Variants in CDH12 observed in about 807,000 individuals in gnomAD.
CDH12 encodes the protein cadherin-12.
A neutral mutation model predicts 74.1 loss-of-function variants in CDH12; 41 were observed. The ratio of observed to expected loss-of-function variants is 0.55; its 90% confidence interval spans 0.43 to 0.72. The LOEUF (loss-of-function observed/expected upper bound fraction) is 0.72. Among genes scored for constraint, CDH12 ranks in the 30% least tolerant of loss-of-function variants. The pLI, the probability that CDH12 is intolerant of heterozygous loss-of-function variation, is 0.00. For missense variants in CDH12, 945 were observed against 977.2 expected (o/e 0.97, Z 0.44); for synonymous variants, 399 against 355.0 (o/e 1.12, Z -1.39).
chr5:21,859,822 A>G (rs748298500), intron 6 of CDH12, among the ~76,000 whole-genome samples: 5 of 152,098 alleles, frequency 3.3e-5, no homozygotes, highest in Middle Eastern at 3.4e-3. Context: ...TGGATTATCA[A>G]GGTGAAATCA....
At position 21,889,056 on chromosome 5, in the gene CDH12, G is replaced by T. The variant is rs571096684; in HGVS notation, c.527-34266C>A. Among the ~76,000 whole-genome samples the T allele has an allele frequency of 2.6e-5, 4 of 152,036 alleles. No homozygotes were observed. The East Asian group carries it at 7.7e-4, about 29-fold the overall frequency. The stretch of plus-strand genomic sequence containing the variant: ...AAAGCACATATGATTATATATTTCT[G>T]ATAGGAAAAATAATATATTTTAGGT... On this transcript the variant is annotated intron_variant, in intron 6 of 14. Coordinates refer to ENST00000382254, the MANE Select transcript of CDH12 (RefSeq NM_004061.5).
Position 22,535,241 on chromosome 5 carries a change from G to C in CDH12, c.-522-29877C>G, listed in dbSNP as rs140295054. 3.6e-5 allele frequency among the ~76,000 whole-genome samples: 5 copies of C among 140,416 alleles called. No homozygotes were observed. The East Asian group carries it at 8.9e-4, about 25-fold the overall frequency. The allele number at this position is 140,416 out of a possible 152,430, so 92.1% of individuals were successfully genotyped here. A position where few individuals can be genotyped will look rare whatever the true frequency, so the allele number is the denominator to read the frequency against. On this transcript the variant is annotated intron_variant, in intron 1 of 14. Transcript: ENST00000382254. ...GCGGTCTTGGCTCAATGCAAGCTCC[G>C]CTTCCCGGGTTCACGCCATTCTCCT...
intron 2 of CDH12, among the ~76,000 whole-genome samples, chr5:22,489,081 A>G (rs1346667608): frequency 5.3e-4 from 1 of 1,870 alleles, no homozygotes; most frequent in Non-Finnish European, 2.0e-3. Context: ...TTTTTGAGAC[A>G]GAGTCTCGCT....
intron 4 of CDH12, among the ~76,000 whole-genome samples, chr5:22,111,171 T>C (rs1744792496): frequency 6.6e-6 from 1 of 152,162 alleles, no homozygotes; most frequent in African/African-American, 2.4e-5. Context: ...TGGTGGTATT[T>C]ATTCATTGCC....
rs943270487 is a variant in CDH12, at chr5:22,505,351, G to A, written c.-509C>T. The A allele has an allele frequency of 3.1e-6, 3 of 982,340 alleles. No homozygotes were observed. Among genetic ancestry groups the A allele is most frequent in the Non-Finnish European group, 3.6e-6 (3 of 827,272 alleles). 60.9% of individuals were successfully genotyped at this position (982,340 alleles called of 1,614,324 possible). A position where few individuals can be genotyped will look rare whatever the true frequency, so the allele number is the denominator to read the frequency against. ...CTATATTTCCCAAAAGAGCCAAGCT[G>A]TTAGGTAACAAAGCTGGAAAGACAA... On this transcript the variant is annotated 5_prime_UTR_variant, in exon 2 of 15. Coordinates refer to ENST00000382254, the MANE Select transcript of CDH12 (RefSeq NM_004061.5).
chr5:22,738,107 G>A (rs1248169133), intron 1 of CDH12, among the ~76,000 whole-genome samples: 2 of 151,932 alleles, frequency 1.3e-5, no homozygotes, highest in Non-Finnish European at 2.9e-5. Context: ...ACCTTGAGTA[G>A]CTGGAAACTG....
intron 4 of CDH12, among the ~76,000 whole-genome samples, chr5:22,141,713 T>C (rs1746808540): frequency 6.6e-6 from 1 of 152,110 alleles, no homozygotes; most frequent in African/African-American, 2.4e-5. Context: ...GAAAAATATT[T>C]TGGAGTTAAA....
At chr5:22,139,794 C>T (rs910559581) in intron 4 of CDH12, among the ~76,000 whole-genome samples, 2 of 152,112 alleles carry the variant, frequency 1.3e-5, no homozygotes, top group African/African-American at 2.4e-5. Flanking sequence ...TAAGCCAGGG[C>T]CATGTGGCTG....
intron 1 of CDH12, among the ~76,000 whole-genome samples, chr5:22,841,036 C>T (rs1737060164): frequency 6.6e-6 from 1 of 152,204 alleles, no homozygotes; most frequent in South Asian, 2.1e-4. Context: ...ACACTTGGTA[C>T]TTCCTCTAAG....
chr5:22,754,824 G>T (rs539416132), intron 1 of CDH12, among the ~76,000 whole-genome samples: 1 of 152,304 alleles, frequency 6.6e-6, no homozygotes, highest in South Asian at 2.1e-4. Context: ...AAAGAAACGG[G>T]TTAGGTGTTT....
chr5:22,329,229 A>T (rs2150444012), intron 3 of CDH12, among the ~76,000 whole-genome samples: 1 of 152,326 alleles, frequency 6.6e-6, no homozygotes, highest in African/African-American at 2.4e-5. Flanking sequence ...AAAACAAAAC[A>T]TTTTACCTGA....
chr5:22,227,301 G>A (rs919606393), intron 3 of CDH12, among the ~76,000 whole-genome samples: 1 of 152,008 alleles, frequency 6.6e-6, no homozygotes, highest in African/African-American at 2.4e-5. Context: ...GGAAGTGGAA[G>A]GGGGTCACTA....
At chr5:22,758,500 TTGTC>T (rs746106905) in intron 1 of CDH12, among the ~76,000 whole-genome samples, 1 of 151,940 alleles carries the variant, frequency 6.6e-6, no homozygotes, top group African/African-American at 2.4e-5. Context: ...AGATTAAACA[TTGTC>T]TGTGTGTTCT....
intron 1 of CDH12, among the ~76,000 whole-genome samples, chr5:22,685,833 A>T (rs1450491035): frequency 6.6e-6 from 1 of 152,152 alleles, no homozygotes; most frequent in Non-Finnish European, 1.5e-5. Context: ...CTCTTTCAGT[A>T]TTATGATTAA....
At chr5:22,710,206 A>C (rs1388168612) in intron 1 of CDH12, among the ~76,000 whole-genome samples, 3 of 152,220 alleles carry the variant, frequency 2.0e-5, no homozygotes, top group African/African-American at 7.2e-5. Context: ...CAAAAATACA[A>C]AGTGACCAAC....
intron 13 of CDH12, among the ~76,000 whole-genome samples, chr5:21,756,503 CAAT>C (rs1461166601): frequency 6.6e-6 from 1 of 152,042 alleles, no homozygotes; most frequent in Non-Finnish European, 1.5e-5. Flanking sequence ...AATTCAAAAA[CAAT>C]AATGTTTACT....
At chr5:22,498,351 C>T (rs1580709019) in intron 2 of CDH12, among the ~76,000 whole-genome samples, 1 of 152,060 alleles carries the variant, frequency 6.6e-6, no homozygotes, top group Middle Eastern at 3.4e-3. Context: ...ACATGGTTAA[C>T]AACATTTAAT....
chr5:22,822,060 A>C (rs1405053945), intron 1 of CDH12, among the ~76,000 whole-genome samples: 4 of 151,992 alleles, frequency 2.6e-5, no homozygotes, highest in Non-Finnish European at 4.4e-5. Context: ...CAGAACAGAG[A>C]CCTCAGAAAT....
intron 3 of CDH12, among the ~76,000 whole-genome samples, chr5:22,348,958 T>A (rs1740240169): frequency 1.3e-5 from 2 of 152,154 alleles, no homozygotes; most frequent in South Asian, 4.1e-4. Context: ...AATTCATATG[T>A]TAAAATCCTA....
Sources: gnomAD v4.1 joint callset for allele counts (sites outside exome capture counted in the v4.1 genomes callset) on GRCh38, gnomAD v4.1.1 for gene constraint, MANE v1.5 for transcripts, NCBI Gene and HGNC (gene_info 2026-07-23, HGNC 2026-07-21) for gene names.